MTHFD2L: variants seen among roughly 807,000 people sequenced by gnomAD.
The protein encoded by MTHFD2L is bifunctional methylenetetrahydrofolate dehydrogenase/cyclohydrolase 2, mitochondrial.
Under a neutral mutation model 34.9 loss-of-function variants are expected in MTHFD2L, and 29 were observed. The observed-to-expected ratio is 0.83, with a 90% CI of 0.62 to 1.13. The LOEUF is 1.13. MTHFD2L is among the 50% of genes most tolerant of loss of function. The probability of loss-of-function intolerance (pLI) is 0.00; values close to 1 mark genes in which losing one functional copy is unlikely to be tolerated. For missense variants in MTHFD2L, 481 were observed against 446.5 expected, an observed-to-expected ratio of 1.08 and a Z score of -0.70; for synonymous variants, 167 against 155.7, an observed-to-expected ratio of 1.07 and a Z score of -0.54.
At chr4:74,121,587 TTTAA>T (rs1721761609), upstream of MTHFD2L, among the ~76,000 whole-genome samples, 1 of 145,532 alleles carries the variant, frequency 6.9e-6, no homozygotes, top group Non-Finnish European at 1.5e-5. Flanking sequence ...TGTATAATTA[TTTAA>T]TTATATATAA....
At chr4:74,115,594 G>A (rs1721643689) in intron 2 of MTHFD2L, among the ~76,000 whole-genome samples, 1 of 152,252 alleles carries the variant, frequency 6.6e-6, no homozygotes, top group African/African-American at 2.4e-5. Flanking sequence ...TTCATGGGCA[G>A]AAATTAGGAG....
chr4:74,121,630 A>G (rs1721765646), upstream of MTHFD2L, among the ~76,000 whole-genome samples: 1 of 145,686 alleles, frequency 6.9e-6, no homozygotes. Flanking sequence ...ATAATTAATT[A>G]TTTAATTATA....
chr4:74,268,314 T>C, intron 6 of MTHFD2L: 2 of 909,444 alleles, frequency 2.2e-6, no homozygotes, highest in Non-Finnish European at 2.6e-6. Context: ...AATTCCACTC[T>C]AATTATTATC....
intron 1 of MTHFD2L, among the ~76,000 whole-genome samples, chr4:74,165,283 T>TTGA (rs774819615): frequency 1.3e-4 from 20 of 152,228 alleles, no homozygotes; most frequent in Non-Finnish European, 2.6e-4. Flanking sequence ...ATTCACATGC[T>TTGA]TGAATCAGTT....
rs140989844 is a variant in MTHFD2L at position 74,164,802 on chromosome 4, C to T, written c.143+6521C>T. ...TACTACATAGTGCTGCCCTGCTACTCACTAGCCACCACCTCCCTTCTTTAA... is the reference window on the plus strand; with the variant it reads ...TACTACATAGTGCTGCCCTGCTACTTACTAGCCACCACCTCCCTTCTTTAA... On this transcript the variant is annotated intron_variant, in intron 1 of 7. Transcript: ENST00000325278. The T allele has an allele frequency of 7.7e-4, 123 of 160,274 alleles. 1 individual carries two copies. In the East Asian group the frequency reaches 0.023, roughly 30 times the overall value. 9.9% of individuals were successfully genotyped at this position (160,274 alleles called of 1,614,324 possible).
intron 1 of MTHFD2L, among the ~76,000 whole-genome samples, chr4:74,163,171 A>G (rs765345232): frequency 2.9e-4 from 44 of 152,204 alleles, no homozygotes; most frequent in Non-Finnish European, 5.0e-4. Flanking sequence ...CAGTATCACA[A>G]AGTTGAGGCA....
rs138865137 is a variant in MTHFD2L, at chr4:74,277,627, A to G, written c.806-3798A>G. Among the ~76,000 whole-genome samples, 56 of 152,176 alleles carry G rather than the reference A, an allele frequency of 3.7e-4. 1 individual carries two copies. Among genetic ancestry groups the G allele is most frequent in the South Asian group, 1.2e-3 (6 of 4,826 alleles). On this transcript the variant is annotated intron_variant, in intron 6 of 7. Coordinates refer to ENST00000325278, the MANE Select transcript of MTHFD2L (RefSeq NM_001144978.3). ...AATATACAGTTTCTCTTTGTGGTAT[A>G]TTATATTATCCTTAGAATATTCTTT...
rs1460562326 is a variant in MTHFD2L, at chr4:74,225,369, G to A, written c.780G>A (p.Leu260=). The A allele has an allele frequency of 3.1e-6, 5 of 1,612,964 alleles. No individual in the cohort carries two copies. The highest frequency in any genetic ancestry group is 1.7e-4 in the Middle Eastern group (1 of 6,052). Residue 260 remains leucine (L), a synonymous_variant, in exon 6 of 8, where the codon CTG becomes CTA. Transcript: ENST00000325278. ...PKEQLKIHTQ[L]ADIIIVAAGI... ...AGCAACTGAAGATTCATACGCAGCT[G>A]GCAGATATTATCATAGTTGCTGCAG... is the stretch of plus-strand genomic sequence containing the variant.
chr4:74,165,002 G>T (rs1334078321), intron 1 of MTHFD2L: 1 of 985,138 alleles, frequency 1.0e-6, no homozygotes, highest in African/African-American at 1.7e-5. Context: ...GGGGTCAAAT[G>T]GATTTTATTT....
At chr4:74,241,596 T>G in intron 6 of MTHFD2L, 1 of 447,046 alleles carries the variant, frequency 2.2e-6, no homozygotes, top group Non-Finnish European at 4.5e-6. Context: ...CCAGGACCTC[T>G]CCAACTCCTG....
intron 6 of MTHFD2L, among the ~76,000 whole-genome samples, chr4:74,254,938 C>T (rs193282143): frequency 0.012 from 1,758 of 151,888 alleles, 16 homozygotes; most frequent in Non-Finnish European, 0.016. Flanking sequence ...AGTTCGAGAC[C>T]AGCCTGGCCA....
At chr4:74,252,211 C>G (rs1035009754) in intron 6 of MTHFD2L, among the ~76,000 whole-genome samples, 1 of 152,214 alleles carries the variant, frequency 6.6e-6, no homozygotes, top group Non-Finnish European at 1.5e-5. Flanking sequence ...TAAAGCTAAG[C>G]AAGAACAAGT....
intron 1 of MTHFD2L, among the ~76,000 whole-genome samples, chr4:74,169,891 G>A (rs977149271): frequency 5.3e-5 from 8 of 152,084 alleles, no homozygotes; most frequent in Non-Finnish European, 8.8e-5. Context: ...TACATACAAA[G>A]TATTGGAAGG....
At position 74,281,413 on chromosome 4, in the gene MTHFD2L, T is replaced by C; in HGVS notation, c.806-12T>C. 1 of 1,609,112 alleles carries C rather than the reference T, an allele frequency of 6.2e-7. No individual in the cohort carries two copies. Among genetic ancestry groups the C allele is most frequent in the Non-Finnish European group, 8.5e-7 (1 of 1,177,864 alleles). ...GTTATGCTGAAGGACAAACAACTCT[T>C]TTTGTTTTCAGGTATTCCAAAGTTG... On this transcript the variant is annotated splice_polypyrimidine_tract_variant and intron_variant, in intron 6 of 7. Transcript: ENST00000325278.
At chr4:74,206,806 A>G (rs1735405061) in intron 5 of MTHFD2L, among the ~76,000 whole-genome samples, 1 of 152,198 alleles carries the variant, frequency 6.6e-6, no homozygotes, top group Non-Finnish European at 1.5e-5. Flanking sequence ...TTTTCCTTCA[A>G]GATTACAAAT....
chr4:74,205,569 C>G (rs954740384), intron 5 of MTHFD2L, among the ~76,000 whole-genome samples: 1 of 152,042 alleles, frequency 6.6e-6, no homozygotes, highest in Non-Finnish European at 1.5e-5. Flanking sequence ...GACATGGATC[C>G]TAGCTGTTTC....
At chr4:74,169,559 T>C (rs1727464647) in intron 1 of MTHFD2L, among the ~76,000 whole-genome samples, 1 of 152,254 alleles carries the variant, frequency 6.6e-6, no homozygotes, top group Non-Finnish European at 1.5e-5. Context: ...AGGTGATTAC[T>C]AGTTTTTTTA....
intron 1 of MTHFD2L, among the ~76,000 whole-genome samples, chr4:74,167,250 C>G (rs908204498): frequency 6.6e-6 from 1 of 152,168 alleles, no homozygotes; most frequent in African/African-American, 2.4e-5. Context: ...TGGGCCATGC[C>G]GGATGGCCCA....
At chr4:74,124,116 AGT>A (rs1418355993), upstream of MTHFD2L, among the ~76,000 whole-genome samples, 1 of 151,996 alleles carries the variant, frequency 6.6e-6, no homozygotes, top group Non-Finnish European at 1.5e-5. Context: ...ATTTTTACTC[AGT>A]GTTCTGCTGA....
Sources: allele counts gnomAD v4.1 joint callset (sites outside exome capture counted in the v4.1 genomes callset), GRCh38; gene constraint gnomAD v4.1.1; transcripts MANE v1.5; gene names NCBI Gene and HGNC (gene_info 2026-07-23, HGNC 2026-07-21).